SOX6: variants seen among roughly 807,000 people sequenced by gnomAD.
The protein encoded by SOX6 is transcription factor SOX-6.
Under a neutral mutation model 97.8 loss-of-function variants are expected in SOX6, and 11 were observed. The observed-to-expected ratio is 0.11, with a 90% CI of 0.07 to 0.19. The LOEUF is 0.19. Ranked by LOEUF, SOX6 falls within the 10% of genes least tolerant of loss-of-function variation. The pLI is 1.00. For missense variants in SOX6, 810 were observed against 1,039.5 expected (o/e 0.78, Z 3.04); for synonymous variants, 360 against 371.4 (o/e 0.97, Z 0.35).
intron 6 of SOX6, among the ~76,000 whole-genome samples, chr11:16,137,433 T>TAAATA (rs1849998314): frequency 6.6e-6 from 1 of 151,770 alleles, no homozygotes; most frequent in African/African-American, 2.4e-5. Context: ...CTCCAATAAA[T>TAAATA]AAATAAAATA....
At chr11:16,667,893 G>C (rs1042112630) in intron 3 of SOX6, among the ~76,000 whole-genome samples, 1 of 152,140 alleles carries the variant, frequency 6.6e-6, no homozygotes, top group African/African-American at 2.4e-5. Context: ...TCAAAAAATA[G>C]TATAATAAAA....
At chr11:16,104,591 A>T in intron 7 of SOX6, among the ~76,000 whole-genome samples, 1 of 151,856 alleles carries the variant, frequency 6.6e-6, no homozygotes, top group East Asian at 1.9e-4. Context: ...ATGAGATTAC[A>T]CACATACACA....
At position 16,712,458 on chromosome 11, in the gene SOX6, G is replaced by T. The variant is rs566597345; in HGVS notation, n.429+2372C>A. 3.3e-5 allele frequency among the ~76,000 whole-genome samples: 5 copies of T among 152,078 alleles called. No individual in the cohort carries two copies. In the South Asian group the frequency reaches 1.0e-3, roughly 32 times the overall value. The stretch of plus-strand genomic sequence containing the variant: ...ATGGCCATTCTTGCAGGAGTAAGGT[G>T]GTATCACATTGTGGTTTTGACTTGC... On this transcript the variant is annotated intron_variant and non_coding_transcript_variant, in intron 3 of 5. Transcript: ENST00000524520.
upstream of SOX6, among the ~76,000 whole-genome samples, chr11:16,358,481 G>A (rs1857126597): frequency 1.3e-5 from 2 of 152,100 alleles, no homozygotes; most frequent in Admixed American, 1.3e-4. Flanking sequence ...ACATCTAGCA[G>A]CTGAACAGAA....
Position 16,737,452 on chromosome 11 carries a change from G to T in SOX6, n.219+973C>A, listed in dbSNP as rs548375167. On this transcript the variant is annotated intron_variant and non_coding_transcript_variant, in intron 1 of 5. Transcript: ENST00000524520. The stretch of plus-strand genomic sequence containing the variant: ...GAACTCCTGACCTCGTGATCCACCC[G>T]CCTCAGCCTCCCAAAATGCTGGGGA... Among the ~76,000 whole-genome samples the T allele has an allele frequency of 2.0e-5, 3 of 151,760 alleles. No homozygotes were observed. In the East Asian group the frequency reaches 5.8e-4, roughly 29 times the overall value.
rs985136747 is a variant in SOX6 at position 15,968,464 on chromosome 11, A to G, written c.*4345T>C. 13 of 152,150 alleles carry G rather than the reference A, an allele frequency of 8.5e-5. No homozygotes were observed. The highest frequency in any genetic ancestry group is 3.1e-4 in the African/African-American group (13 of 41,434). The allele number at this position is 152,150 out of a possible 1,614,324, so 9.4% of individuals were successfully genotyped here. A position where few individuals can be genotyped will look rare whatever the true frequency, so the allele number is the denominator to read the frequency against. ...TTGGTAGAGGTCAATTCTTTGCAAA[A>G]TGAGTAAATTGAGAGAAGCAGCCTC... On this transcript the variant is annotated 3_prime_UTR_variant, in exon 16 of 16. Transcript: ENST00000683767.
chr11:16,489,488 T>C (rs763458273), intron 4 of SOX6, among the ~76,000 whole-genome samples: 1 of 152,166 alleles, frequency 6.6e-6, no homozygotes, highest in Non-Finnish European at 1.5e-5. Context: ...ATTTATGGTA[T>C]GTATCTACTG....
intron 4 of SOX6, among the ~76,000 whole-genome samples, chr11:16,223,519 G>C (rs994500537): frequency 1.3e-5 from 2 of 152,058 alleles, no homozygotes; most frequent in Non-Finnish European, 2.9e-5. Context: ...ATCTATAGGT[G>C]TGTATTAATG....
chr11:16,230,841 T>C (rs777355093), intron 4 of SOX6, among the ~76,000 whole-genome samples: 1 of 151,674 alleles, frequency 6.6e-6, no homozygotes, highest in East Asian at 1.9e-4. Context: ...TAATAAAAGT[T>C]TAGATGGAAA....
At chr11:16,726,063 A>G (rs1848304200) in intron 2 of SOX6, among the ~76,000 whole-genome samples, 2 of 152,220 alleles carry the variant, frequency 1.3e-5, no homozygotes, top group Non-Finnish European at 2.9e-5. Flanking sequence ...GGTTCTTCTA[A>G]TATCTACCTC....
intron 12 of SOX6, among the ~76,000 whole-genome samples, chr11:16,024,472 A>T (rs1855161295): frequency 1.3e-5 from 2 of 150,566 alleles, no homozygotes; most frequent in African/African-American, 2.4e-5. Flanking sequence ...TTTCTTTAGG[A>T]TCTAGTAGCA....
At chr11:16,414,565 T>TA (rs1032941863) in intron 1 of SOX6, among the ~76,000 whole-genome samples, 9 of 150,844 alleles carry the variant, frequency 6.0e-5, no homozygotes, top group Non-Finnish European at 8.9e-5. Context: ...CCTGCAAGTT[T>TA]AAAAAAAAAC....
At chr11:16,475,327 T>C (rs1860221954) in intron 1 of SOX6, among the ~76,000 whole-genome samples, 1 of 152,244 alleles carries the variant, frequency 6.6e-6, no homozygotes, top group Admixed American at 6.5e-5. Flanking sequence ...GCTTTTGACC[T>C]GTCTCAGCTT....
chr11:16,691,955 A>G (rs1364436494), intron 3 of SOX6, among the ~76,000 whole-genome samples: 1 of 151,906 alleles, frequency 6.6e-6, no homozygotes. Context: ...ATATTTCTCC[A>G]CTTACCTCCC....
intron 3 of SOX6, among the ~76,000 whole-genome samples, chr11:16,649,092 G>T (rs548673981): frequency 6.6e-6 from 1 of 151,862 alleles, no homozygotes; most frequent in Non-Finnish European, 1.5e-5. Context: ...GAAAAAAAAA[G>T]AACAAAGCCT....
chr11:16,561,491 G>A lies in SOX6; in HGVS notation n.609+50590C>T, dbSNP rs1030884422. 7.2e-5 allele frequency among the ~76,000 whole-genome samples: 11 copies of A among 152,198 alleles called. 1 individual carries two copies. In the Middle Eastern group the frequency reaches 0.01, roughly 141 times the overall value. On this transcript the variant is annotated intron_variant and non_coding_transcript_variant, in intron 4 of 5. Transcript: ENST00000524520. ...ACCCAAAGAATTCAAAGGTCATGAG[G>A]GCAGGGACTTTCTCTATCTCATACA...
intron 13 of SOX6, among the ~76,000 whole-genome samples, chr11:15,998,398 T>C (rs1190122550): frequency 8.6e-6 from 1 of 115,666 alleles, no homozygotes; most frequent in Non-Finnish European, 2.1e-5. Flanking sequence ...ACATCTACAC[T>C]AAAAACAAAA....
intron 3 of SOX6, chr11:16,311,966 A>G (rs1346261915): frequency 2.6e-5 from 4 of 152,206 alleles, no homozygotes; most frequent in Admixed American, 1.3e-4. Context: ...ACACATGCTC[A>G]TTCTTGTGCT....
intron 3 of SOX6, among the ~76,000 whole-genome samples, chr11:16,285,185 A>C (rs2134248803): frequency 6.6e-6 from 1 of 152,326 alleles, no homozygotes; most frequent in South Asian, 2.1e-4. Flanking sequence ...ACTACAACAA[A>C]TAAAATGCTA....
Sources: gnomAD v4.1 joint callset for allele counts (sites outside exome capture counted in the v4.1 genomes callset) on GRCh38, gnomAD v4.1.1 for gene constraint, MANE v1.5 for transcripts, NCBI Gene and HGNC (gene_info 2026-07-23, HGNC 2026-07-21) for gene names.